GNAI1: variants seen among roughly 807,000 people sequenced by gnomAD.
GNAI1 encodes guanine nucleotide-binding protein G(i) subunit alpha-1.
A neutral mutation model predicts 38.9 loss-of-function variants in GNAI1; 11 were observed. That is an observed-to-expected ratio of 0.28 (90% confidence interval 0.18 to 0.47). GNAI1 has a LOEUF of 0.47. GNAI1 is among the 20% of genes least tolerant of loss of function. The pLI, the probability that GNAI1 is intolerant of heterozygous loss-of-function variation, is 0.99. For synonymous variants in GNAI1, 166 were observed against 145.1 expected (o/e 1.14, Z -1.04); for missense variants, 317 against 436.9 (o/e 0.73, Z 2.45).
At chr7:80,204,407 G>A (rs953507772) in intron 5 of GNAI1, among the ~76,000 whole-genome samples, 1 of 152,058 alleles carries the variant, frequency 6.6e-6, no homozygotes, top group Non-Finnish European at 1.5e-5. Flanking sequence ...AGAAATGCAA[G>A]GGGTCTTGGA....
chr7:80,204,146 C>T (rs188187964), intron 5 of GNAI1, among the ~76,000 whole-genome samples: 43 of 149,754 alleles, frequency 2.9e-4, no homozygotes, highest in Non-Finnish European at 5.8e-4. Flanking sequence ...ACTGTGTTTT[C>T]GGAAAGTGTT....
chr7:80,189,752 G>A (rs916468135), intron 3 of GNAI1, among the ~76,000 whole-genome samples: 4 of 152,134 alleles, frequency 2.6e-5, no homozygotes, highest in Non-Finnish European at 5.9e-5. Flanking sequence ...GAGATTTTTG[G>A]AGACAAGCTA....
chr7:80,193,389 A>G (rs1788513969), intron 3 of GNAI1, among the ~76,000 whole-genome samples: 1 of 152,172 alleles, frequency 6.6e-6, no homozygotes, highest in South Asian at 2.1e-4. Context: ...GATTTTCAAA[A>G]CAGATTAAAG....
intron 1 of GNAI1, among the ~76,000 whole-genome samples, chr7:80,169,657 AT>A (rs1788069323): frequency 6.6e-6 from 1 of 152,176 alleles, no homozygotes; most frequent in Non-Finnish European, 1.5e-5. Flanking sequence ...TGATTACCAA[AT>A]TTTATTAACT....
rs1156654207 is a variant in GNAI1 at position 80,209,500 on chromosome 7, A to G, written c.591-1469A>G. ...TAAAGTTAACTGATTACAGATGTTA[A>G]TCATATCTATAAAATACAGCAACAT... On this transcript the variant is annotated intron_variant, in intron 5 of 7. Coordinates refer to ENST00000649796, the MANE Select transcript of GNAI1 (RefSeq NM_002069.6). Among the ~76,000 whole-genome samples, 3 of 152,214 alleles carry G rather than the reference A, an allele frequency of 2.0e-5. No individual in the cohort carries two copies. In the East Asian group the frequency reaches 5.8e-4, roughly 29 times the overall value.
chr7:80,143,896 T>C (rs1787569877), intron 1 of GNAI1, among the ~76,000 whole-genome samples: 2 of 138,382 alleles, frequency 1.4e-5, no homozygotes, highest in African/African-American at 5.3e-5. Context: ...TGGCTTTTCT[T>C]AGCAAGGATG....
intron 1 of GNAI1, among the ~76,000 whole-genome samples, chr7:80,144,804 A>G (rs1787590206): frequency 6.6e-6 from 1 of 152,218 alleles, no homozygotes; most frequent in African/African-American, 2.4e-5. Flanking sequence ...ATCTAATTCC[A>G]AGAATTACAT....
In GNAI1 at chr7:80,219,127, A is replaced by G. The variant is rs1021132091; in HGVS notation, c.*1634A>G. ...TCTTCTTTGTAATGTAAAGAAATTC[A>G]AAGTTATCAAAGTTCCTTAAATGTG... On this transcript the variant is annotated 3_prime_UTR_variant, in exon 8 of 8. Transcript: ENST00000649796. 17 of 152,446 alleles carry G rather than the reference A, an allele frequency of 1.1e-4. No individual in the cohort carries two copies. Among genetic ancestry groups the G allele is most frequent in the African/African-American group, 4.1e-4 (17 of 41,390 alleles). The allele number at this position is 152,446 out of a possible 1,614,324, so 9.4% of individuals were successfully genotyped here.
chr7:80,135,651 C>A (rs1466569710), intron 1 of GNAI1: 11 of 150,356 alleles, frequency 7.3e-5, no homozygotes, highest in East Asian at 3.3e-4. Context: ...TGAAAACACC[C>A]CCCCCCCCGC....
At chr7:80,214,907 T>G (rs1788934414) in intron 7 of GNAI1, among the ~76,000 whole-genome samples, 1 of 152,192 alleles carries the variant, frequency 6.6e-6, no homozygotes, top group African/African-American at 2.4e-5. Flanking sequence ...AGCCCTAATT[T>G]CTCTCTGGAG....
intron 1 of GNAI1, 76 bp downstream of exon 1, chr7:80,135,354 A>C: frequency 2.3e-6 from 2 of 870,598 alleles, no homozygotes; most frequent in Non-Finnish European, 3.2e-6. Context: ...GGCGTTTGGA[A>C]ACCCGGAGGG....
At chr7:80,158,083 T>C (rs1787850948) in intron 1 of GNAI1, among the ~76,000 whole-genome samples, 1 of 152,182 alleles carries the variant, frequency 6.6e-6, no homozygotes, top group Non-Finnish European at 1.5e-5. Context: ...TTTAGCCCAT[T>C]TTTAAACTAA....
intron 3 of GNAI1, among the ~76,000 whole-genome samples, chr7:80,198,660 C>T (rs936125516): frequency 6.6e-6 from 1 of 152,064 alleles, no homozygotes. Flanking sequence ...TTTAATGTGT[C>T]CATACTTAAA....
chr7:80,149,613 A>C (rs929489137), intron 1 of GNAI1, among the ~76,000 whole-genome samples: 4 of 152,098 alleles, frequency 2.6e-5, no homozygotes, highest in African/African-American at 9.7e-5. Context: ...TATACTCTAA[A>C]GAAGTTAATG....
In GNAI1 at chr7:80,220,527, C is replaced by T. The variant is rs953143583; in HGVS notation, c.*3034C>T. Among the ~76,000 whole-genome samples the T allele has an allele frequency of 2.0e-5, 3 of 152,180 alleles. No individual in the cohort carries two copies. The highest frequency in any genetic ancestry group is 2.1e-4 in the South Asian group (1 of 4,830). On this transcript the variant is annotated 3_prime_UTR_variant, in exon 8 of 8. Transcript: ENST00000649796. ...CCAATCCGAGTCCTCCAGCATTGGA[C>T]GAGTGAGCCAATCATTGTCCCAGTT...
chr7:80,138,051 C>T (rs201618144), intron 1 of GNAI1, among the ~76,000 whole-genome samples: 2 of 152,074 alleles, frequency 1.3e-5, no homozygotes, highest in Non-Finnish European at 2.9e-5. Context: ...AATGTAAAAT[C>T]GTTTCTAGGT....
In GNAI1 at chr7:80,135,150, C is replaced by T. The variant is rs781257702; in HGVS notation, c.-11C>T. On this transcript the variant is annotated 5_prime_UTR_variant, in exon 1 of 8. Transcript: ENST00000649796. ...CGGAGGGAGCGGCGGCAGGCTCTCGCTTTCGGCACCATGGGCTGCACGCTG... is the reference window on the plus strand; with the variant it reads ...CGGAGGGAGCGGCGGCAGGCTCTCGTTTTCGGCACCATGGGCTGCACGCTG... The T allele has an allele frequency of 5.4e-6, 8 of 1,490,420 alleles. No individual in the cohort carries two copies. The highest frequency in any genetic ancestry group is 2.7e-5 in the South Asian group (2 of 73,842). 92.3% of individuals were successfully genotyped at this position (1,490,420 alleles called of 1,614,324 possible).
chr7:80,205,984 G>GA (rs11459115), intron 5 of GNAI1, among the ~76,000 whole-genome samples: 33,310 of 151,618 alleles, frequency 0.22, 3,862 homozygotes, highest in Middle Eastern at 0.29. Flanking sequence ...AATCATCTTG[G>GA]AAAAAAAGGT....
chr7:80,171,291 T>C (rs1012204554), intron 1 of GNAI1, among the ~76,000 whole-genome samples: 1 of 148,998 alleles, frequency 6.7e-6, no homozygotes, highest in Non-Finnish European at 1.5e-5. Flanking sequence ...CTCAAGATTT[T>C]TTTCTATGTT....
Sources: allele counts gnomAD v4.1 joint callset (sites outside exome capture counted in the v4.1 genomes callset), GRCh38; gene constraint gnomAD v4.1.1; transcripts MANE v1.5; gene names NCBI Gene and HGNC (gene_info 2026-07-23, HGNC 2026-07-21).